SYT1: variants seen among roughly 807,000 people sequenced by gnomAD.
SYT1 encodes synaptotagmin-1.
In SYT1, 8 loss-of-function variants were observed where a neutral mutation model predicts 44.8. The ratio of observed to expected loss-of-function variants is 0.18; its 90% CI spans 0.10 to 0.32. The LOEUF (loss-of-function observed/expected upper bound fraction) is 0.32. Among genes scored for constraint, SYT1 ranks in the 10% least tolerant of loss-of-function variants. SYT1 has a pLI of 1.00. For missense variants in SYT1, 286 were observed against 509.3 expected (o/e 0.56, Z 4.22); for synonymous variants, 154 against 188.8 (o/e 0.82, Z 1.51).
chr12:78,908,058 A>G (rs1457804704), intron 1 of SYT1, among the ~76,000 whole-genome samples: 1 of 152,070 alleles, frequency 6.6e-6, no homozygotes, highest in Non-Finnish European at 1.5e-5. Context: ...GGTCAAAATA[A>G]TAGAAAATCA....
intron 3 of SYT1, among the ~76,000 whole-genome samples, chr12:79,188,763 G>A (rs368783299): frequency 2.6e-5 from 4 of 152,054 alleles, no homozygotes; most frequent in African/African-American, 9.7e-5. Flanking sequence ...CAAAGAGTAA[G>A]GAGAGAAAAT....
rs190922965 is a variant in SYT1, at chr12:79,124,642, C to T, written c.-18+77280C>T. ...CCATCGCCATTATCATCATCCTCAT[C>T]GTCATCATCACCTGATACATTCTTA... On this transcript the variant is annotated intron_variant, in intron 3 of 10. Coordinates refer to ENST00000261205, the MANE Select transcript of SYT1 (RefSeq NM_005639.3). 3.2e-3 allele frequency among the ~76,000 whole-genome samples: 480 copies of T among 152,124 alleles called. 1 individual carries two copies. The highest frequency in any genetic ancestry group is 0.01 in the Middle Eastern group (3 of 294).
At chr12:79,279,659 A>G (rs1417023562) in intron 4 of SYT1, among the ~76,000 whole-genome samples, 1 of 152,114 alleles carries the variant, frequency 6.6e-6, no homozygotes, top group African/African-American at 2.4e-5. Context: ...AGCCAGAACA[A>G]TCAGGCAAAA....
At chr12:79,121,306 T>C (rs1224596237) in intron 3 of SYT1, among the ~76,000 whole-genome samples, 1 of 152,160 alleles carries the variant, frequency 6.6e-6, no homozygotes, top group Non-Finnish European at 1.5e-5. Context: ...TTGCTGGACT[T>C]GGCATCTGAA....
At chr12:79,431,902 G>C (rs1869813872) in intron 9 of SYT1, among the ~76,000 whole-genome samples, 1 of 152,102 alleles carries the variant, frequency 6.6e-6, no homozygotes, top group Admixed American at 6.5e-5. Context: ...AATATTGTAA[G>C]AAAACTAGAT....
chr12:79,345,214 A>T (rs1409731052), intron 8 of SYT1, among the ~76,000 whole-genome samples: 1 of 152,156 alleles, frequency 6.6e-6, no homozygotes, highest in African/African-American at 2.4e-5. Context: ...TTAAAGCTAC[A>T]TTTGCATGGC....
intron 9 of SYT1, among the ~76,000 whole-genome samples, chr12:79,440,217 C>CA (rs1183418237): frequency 1.3e-5 from 2 of 151,332 alleles, no homozygotes; most frequent in Non-Finnish European, 2.9e-5. Context: ...GACTCCATCT[C>CA]AAAAAAAGAG....
chr12:79,098,108 C>T (rs1402996269), intron 3 of SYT1, among the ~76,000 whole-genome samples: 2 of 152,076 alleles, frequency 1.3e-5, no homozygotes, highest in African/African-American at 4.8e-5. Context: ...ATAGAAGTTT[C>T]ACATTCTTCA....
At position 79,106,893 on chromosome 12, in the gene SYT1, C is replaced by G. The variant is rs553502061; in HGVS notation, c.-18+59531C>G. Among the ~76,000 whole-genome samples, 5 of 152,012 alleles carry G rather than the reference C, an allele frequency of 3.3e-5. No homozygotes were observed. In the South Asian group the frequency reaches 1.0e-3, roughly 31 times the overall value. On this transcript the variant is annotated intron_variant, in intron 3 of 10. Coordinates refer to ENST00000261205, the MANE Select transcript of SYT1 (RefSeq NM_005639.3). ...AATCATAGTAGGAACAAAGTATAAA[C>G]AAAATCAGCAAATATAAATAAAAAT...
intron 3 of SYT1, among the ~76,000 whole-genome samples, chr12:79,141,089 G>A (rs1052789958): frequency 2.6e-5 from 4 of 152,176 alleles, no homozygotes; most frequent in African/African-American, 9.7e-5. Context: ...AAACAAGCAT[G>A]TATGCCATCT....
At chr12:78,911,449 C>CATGTCTATGT (rs1876320984) in intron 1 of SYT1, among the ~76,000 whole-genome samples, 1 of 151,684 alleles carries the variant, frequency 6.6e-6, no homozygotes. Context: ...GCCAACATTT[C>CATGTCTATGT]ATGTCTATGT....
At chr12:79,057,855 C>T (rs192674635) in intron 3 of SYT1, among the ~76,000 whole-genome samples, 3 of 151,612 alleles carry the variant, frequency 2.0e-5, no homozygotes, top group Non-Finnish European at 4.4e-5. Context: ...AAGCCTGAAA[C>T]AAAACAAAAT....
At chr12:79,289,001 C>G (rs763751203) in intron 5 of SYT1, among the ~76,000 whole-genome samples, 1 of 152,044 alleles carries the variant, frequency 6.6e-6, no homozygotes, top group Admixed American at 6.6e-5. Context: ...ATTTTAAACA[C>G]GCTAACAGAT....
intron 3 of SYT1, among the ~76,000 whole-genome samples, chr12:79,123,581 C>A (rs1000540810): frequency 2.0e-5 from 3 of 152,130 alleles, no homozygotes; most frequent in African/African-American, 7.2e-5. Flanking sequence ...TGTTAACTTA[C>A]AATTCAGAAA....
Position 79,201,470 on chromosome 12 carries a change from C to T in SYT1, c.-17-16033C>T, listed in dbSNP as rs578100101. ...AGGCCAAAGGATAGTGAAGTAGGGA[C>T]GCAAAAAGTTAGCCATATTCCAGGA... is the stretch of plus-strand genomic sequence containing the variant. On this transcript the variant is annotated intron_variant, in intron 3 of 10. Coordinates refer to ENST00000261205, the MANE Select transcript of SYT1 (RefSeq NM_005639.3). Among the ~76,000 whole-genome samples, 56 of 152,154 alleles carry T rather than the reference C, an allele frequency of 3.7e-4. 1 individual carries two copies. In the South Asian group the frequency reaches 0.01, roughly 28 times the overall value.
At chr12:79,233,258 G>A (rs955061633) in intron 4 of SYT1, among the ~76,000 whole-genome samples, 1 of 152,082 alleles carries the variant, frequency 6.6e-6, no homozygotes, top group African/African-American at 2.4e-5. Flanking sequence ...TAAAAATAAC[G>A]AATTGTATTG....
rs541110184 is a variant in SYT1, at chr12:79,201,374, G to A, written c.-17-16129G>A. ...TTTAGATCCTATTCTATAAAGAAAG[G>A]CAAACAGGCTTCATCAAGAAATTGA... On this transcript the variant is annotated intron_variant, in intron 3 of 10. Coordinates refer to ENST00000261205, the MANE Select transcript of SYT1 (RefSeq NM_005639.3). Among the ~76,000 whole-genome samples, 52 of 152,218 alleles carry A rather than the reference G, an allele frequency of 3.4e-4. 1 individual carries two copies. The highest frequency in any genetic ancestry group is 1.1e-3 in the African/African-American group (47 of 41,526).
At chr12:78,940,871 G>T (rs899394277) in intron 1 of SYT1, among the ~76,000 whole-genome samples, 3 of 151,982 alleles carry the variant, frequency 2.0e-5, no homozygotes, top group Non-Finnish European at 4.4e-5. Flanking sequence ...TAGATTAGTG[G>T]ACTAGTACAA....
At chr12:79,295,019 G>C (rs147668649) in intron 6 of SYT1, among the ~76,000 whole-genome samples, 3 of 152,182 alleles carry the variant, frequency 2.0e-5, no homozygotes, top group African/African-American at 7.2e-5. Flanking sequence ...AATTAAAATG[G>C]TTATGCATTT....
Sources: gnomAD v4.1 joint callset for allele counts (sites outside exome capture counted in the v4.1 genomes callset) on GRCh38, gnomAD v4.1.1 for gene constraint, MANE v1.5 for transcripts, NCBI Gene and HGNC (gene_info 2026-07-23, HGNC 2026-07-21) for gene names.